The following RNF185 variants were observed in gnomAD, a reference collection of about 807,000 sequenced individuals.
The protein encoded by RNF185 is ring finger protein 185.
Under a neutral mutation model 24.9 loss-of-function variants are expected in RNF185, and 13 were observed. That is an observed-to-expected ratio of 0.52 (90% CI 0.34 to 0.83). The LOEUF (loss-of-function observed/expected upper bound fraction) is 0.83, where lower values mean the gene tolerates loss of function less well. Ranked by LOEUF, RNF185 falls within the 40% of genes least tolerant of loss-of-function variation. The pLI, the probability that RNF185 is intolerant of heterozygous loss-of-function variation, is 0.01. For synonymous variants in RNF185, 79 were observed against 90.3 expected, an observed-to-expected ratio of 0.88 and a Z score of 0.71; for missense variants, 184 against 244.7, an observed-to-expected ratio of 0.75 and a Z score of 1.65.
At chr22:31,200,209 T>C (rs2048247094) in intron 5 of RNF185, among the ~76,000 whole-genome samples, 1 of 151,878 alleles carries the variant, frequency 6.6e-6, no homozygotes, top group Non-Finnish European at 1.5e-5. Context: ...ATTTAAAAAT[T>C]AGCAAAGCAT....
chr22:31,171,191 T>A (rs201039632), intron 1 of RNF185, among the ~76,000 whole-genome samples: 1 of 34,082 alleles, frequency 2.9e-5, no homozygotes, highest in African/African-American at 2.1e-4. Context: ...TTATTTATTT[T>A]TGAGACAGAG....
chr22:31,204,335 T>C (rs2048293715), intron 6 of RNF185, among the ~76,000 whole-genome samples, 154 bp from the exon 7 acceptor site: 1 of 149,290 alleles, frequency 6.7e-6, no homozygotes, highest in South Asian at 2.1e-4. Flanking sequence ...AGAGCGAGAC[T>C]ACATTTCAAA....
At chr22:31,177,194 G>C (rs1905067198) in intron 1 of RNF185, among the ~76,000 whole-genome samples, 2 of 151,818 alleles carry the variant, frequency 1.3e-5, no homozygotes, top group Admixed American at 6.6e-5. Context: ...CAGTACACTG[G>C]GTTGCCTTGT....
rs2048211783 is a variant in RNF185 at position 31,196,986 on chromosome 22, G to C, written c.359G>C (p.Arg120Thr). The C allele has an allele frequency of 1.9e-6, 3 of 1,613,682 alleles. No individual in the cohort carries two copies. Among genetic ancestry groups the C allele is most frequent in the Non-Finnish European group, 2.5e-6 (3 of 1,179,730 alleles). Reference sequence around the variant, plus strand: ...GGACAGAGGCCAGAGCCGGAGAATAGAGGGGTGAGGAACATTCTAGGAGAA... The same window carrying C: ...GGACAGAGGCCAGAGCCGGAGAATACAGGGGTGAGGAACATTCTAGGAGAA... ...PQGQRPEPEN[R>T]GGFQGFGFGD... The change falls in exon 5 of 7, where the codon AGA (arginine) becomes ACA (threonine). Residue 120 changes from arginine (R) to threonine (T), a missense_variant. By Grantham distance (71) the Arg-to-Thr change is moderately conservative (BLOSUM62 -1). Transcript: ENST00000326132.
At chr22:31,201,771 G>T (rs1005594628) in intron 6 of RNF185, among the ~76,000 whole-genome samples, 156 bp downstream of exon 6, 2 of 152,138 alleles carry the variant, frequency 1.3e-5, no homozygotes, top group Non-Finnish European at 2.9e-5. Context: ...ATCACTTACA[G>T]ACATGGTAAC....
chr22:31,193,026 TC>T (rs1477248038), intron 3 of RNF185, among the ~76,000 whole-genome samples: 1 of 152,130 alleles, frequency 6.6e-6, no homozygotes, highest in African/African-American at 2.4e-5. Context: ...ATATCAACAG[TC>T]CCCCAGCCCT....
chr22:31,166,629 C>G (rs771940596), intron 1 of RNF185, among the ~76,000 whole-genome samples: 1 of 150,216 alleles, frequency 6.7e-6, no homozygotes, highest in African/African-American at 2.5e-5. Context: ...CCTCCTTCTT[C>G]TTCTTCTTCT....
At chr22:31,177,590 A>G (rs2047995322) in intron 1 of RNF185, among the ~76,000 whole-genome samples, 1 of 152,180 alleles carries the variant, frequency 6.6e-6, no homozygotes, top group Non-Finnish European at 1.5e-5. Flanking sequence ...TGCAGGTCCC[A>G]TTTCTGCCTA....
At chr22:31,162,746 T>G (rs1923656623) in intron 1 of RNF185, among the ~76,000 whole-genome samples, 1 of 149,794 alleles carries the variant, frequency 6.7e-6, no homozygotes, top group African/African-American at 2.5e-5. Context: ...GAGCTAAGGG[T>G]GCTTTTTACA....
At chr22:31,161,744 A>G (rs916201243) in intron 1 of RNF185, among the ~76,000 whole-genome samples, 3 of 152,114 alleles carry the variant, frequency 2.0e-5, no homozygotes, top group Admixed American at 6.6e-5. Context: ...CCCTGCTTGA[A>G]TCCTCTCTTC....
intron 5 of RNF185, among the ~76,000 whole-genome samples, chr22:31,197,533 AG>A (rs1462910162): frequency 1.3e-5 from 2 of 152,198 alleles, no homozygotes; most frequent in Non-Finnish European, 2.9e-5. Context: ...ATGAACTTAC[AG>A]ATAAATTTGT....
At chr22:31,190,709 T>G (rs776405698) in intron 2 of RNF185, among the ~76,000 whole-genome samples, 1 of 152,054 alleles carries the variant, frequency 6.6e-6, no homozygotes, top group Non-Finnish European at 1.5e-5. Flanking sequence ...GTTCAAGTGA[T>G]TCTCGTGCTT....
chr22:31,177,729 T>C (rs2047996368), intron 1 of RNF185, among the ~76,000 whole-genome samples: 1 of 152,206 alleles, frequency 6.6e-6, no homozygotes, highest in African/African-American at 2.4e-5. Context: ...ATCATGCCTG[T>C]TATTTATCAC....
intron 1 of RNF185, among the ~76,000 whole-genome samples, chr22:31,177,570 A>G (rs2047995217): frequency 6.6e-6 from 1 of 152,172 alleles, no homozygotes; most frequent in African/African-American, 2.4e-5. Context: ...TGATGTAGAC[A>G]TTCTTGGAAT....
chr22:31,200,510 AC>A (rs2048251082), intron 5 of RNF185, among the ~76,000 whole-genome samples: 1 of 152,246 alleles, frequency 6.6e-6, no homozygotes, highest in Non-Finnish European at 1.5e-5. Context: ...TAAAAATTAA[AC>A]ATGATTTATA....
intron 3 of RNF185, among the ~76,000 whole-genome samples, chr22:31,193,038 TA>T (rs879813521): frequency 2.0e-5 from 3 of 152,340 alleles, no homozygotes; most frequent in Non-Finnish European, 4.4e-5. Flanking sequence ...CCCCAGCCCT[TA>T]AAGGTTATGA....
At chr22:31,188,559 G>A (rs1445146788) in intron 2 of RNF185, among the ~76,000 whole-genome samples, 13 of 152,156 alleles carry the variant, frequency 8.5e-5, no homozygotes. Context: ...GGGCTCAGTG[G>A]CTCACACCTG....
At chr22:31,195,169 T>C (rs774631240) in intron 3 of RNF185, among the ~76,000 whole-genome samples, 61 of 152,102 alleles carry the variant, frequency 4.0e-4, no homozygotes, top group Admixed American at 7.2e-4. Flanking sequence ...GCCAGGCTTC[T>C]CTTGAACTCC....
At chr22:31,184,024 C>G (rs989076179) in intron 1 of RNF185, among the ~76,000 whole-genome samples, 1 of 149,854 alleles carries the variant, frequency 6.7e-6, no homozygotes, top group Non-Finnish European at 1.5e-5. Flanking sequence ...CTGCCCCCCC[C>G]CACCTCCCGG....
Sources: allele counts gnomAD v4.1 joint callset (sites outside exome capture counted in the v4.1 genomes callset), GRCh38; gene constraint gnomAD v4.1.1; transcripts MANE v1.5; gene names NCBI Gene and HGNC (gene_info 2026-07-23, HGNC 2026-07-21).